The following NEMP2 variants were observed in gnomAD, a reference collection of about 807,000 sequenced individuals.
The protein encoded by NEMP2 is UPF0571 transmembrane protein.
A neutral mutation model predicts 54.2 loss-of-function variants in NEMP2; 53 were observed. The ratio of observed to expected loss-of-function variants is 0.98; its 90% confidence interval spans 0.78 to 1.23. The LOEUF (loss-of-function observed/expected upper bound fraction) is 1.23, where lower values mean the gene tolerates loss of function less well. Ranked by LOEUF, NEMP2 falls within the 50% of genes most tolerant of loss-of-function variation. The pLI is 0.00. For synonymous variants in NEMP2, 197 were observed against 190.3 expected (o/e 1.04, Z -0.29); for missense variants, 455 against 511.3 (o/e 0.89, Z 1.06).
Position 190,530,096 on chromosome 2 carries a change from G to A in NEMP2, c.97+4463C>T, listed in dbSNP as rs1691090910. Among the ~76,000 whole-genome samples the A allele has an allele frequency of 6.6e-6, 1 of 152,186 alleles. No individual in the cohort carries two copies. The stretch of plus-strand genomic sequence containing the variant: ...TATATGATACATCAGTGTATTCTGG[G>A]TAAGGGATCTGCCAGTTAGAGGAAA... On this transcript the variant is annotated intron_variant, in intron 1 of 8. Transcript: ENST00000409150. This position sits in a 1 kb window ranked among gnomAD's most constrained non-coding sequence, Gnocchi z 4.6.
chr2:190,555,482 C>G, the NEMP2 span, among the ~76,000 whole-genome samples: 1 of 151,720 alleles, frequency 6.6e-6, no homozygotes, highest in African/African-American at 2.4e-5. This position sits in a 1 kb window ranked among gnomAD's most constrained non-coding sequence, Gnocchi z 4.8. Flanking sequence ...CACAAATGAC[C>G]TGATGGAGCT....
At chr2:190,624,830 AAGGT>A in the NEMP2 span, 1 of 152,232 alleles carries the variant, frequency 6.6e-6, no homozygotes, top group Non-Finnish European at 1.5e-5. Flanking sequence ...GAGACAAAGA[AAGGT>A]TGGTTAGTAA....
chr2:190,554,368 C>T, the NEMP2 span, among the ~76,000 whole-genome samples: 1 of 152,150 alleles, frequency 6.6e-6, no homozygotes, highest in East Asian at 1.9e-4. This position sits in a 1 kb window ranked among gnomAD's most constrained non-coding sequence, Gnocchi z 5.7. Context: ...CTCTGCAGGT[C>T]CCACCCCCAC....
At chr2:190,566,743 GAAAA>G in the NEMP2 span, among the ~76,000 whole-genome samples, 43 of 147,222 alleles carry the variant, frequency 2.9e-4, no homozygotes, top group Non-Finnish European at 4.6e-4. Context: ...AGAAAGAAAA[GAAAA>G]AAAAAGAAAG....
chr2:190,487,413 A>G, the NEMP2 span, among the ~76,000 whole-genome samples: 1 of 152,220 alleles, frequency 6.6e-6, no homozygotes, highest in Non-Finnish European at 1.5e-5. This position sits in a 1 kb window ranked among gnomAD's most constrained non-coding sequence, Gnocchi z 5.5. Flanking sequence ...ATTATAGCCA[A>G]TGTAAATAAT....
At position 190,527,575 on chromosome 2, in the gene NEMP2, G is replaced by C. The variant is rs1435584330; in HGVS notation, c.98-2197C>G. ...ATATATCAAGAAATTTGCAGAGTTT[G>C]AGAGTCCAAGATGCAAATACAAGAA... On this transcript the variant is annotated intron_variant, in intron 1 of 8. Transcript: ENST00000409150. The surrounding 1 kb of genome is among the most constrained non-coding windows in gnomAD (Gnocchi z 4.0). 2.0e-5 allele frequency among the ~76,000 whole-genome samples: 3 copies of C among 152,168 alleles called. No homozygotes were observed. Among genetic ancestry groups the C allele is most frequent in the Admixed American group, 1.3e-4 (2 of 15,286 alleles).
chr2:190,632,787 T>TA, the NEMP2 span, among the ~76,000 whole-genome samples: 2 of 152,170 alleles, frequency 1.3e-5, no homozygotes, highest in Non-Finnish European at 2.9e-5. This position sits in a 1 kb window ranked among gnomAD's most constrained non-coding sequence, Gnocchi z 4.8. Flanking sequence ...GAAATCCTGT[T>TA]ATGTCAATTA....
At chr2:190,639,295 G>A in the NEMP2 span, among the ~76,000 whole-genome samples, 1 of 152,004 alleles carries the variant, frequency 6.6e-6, no homozygotes, top group Non-Finnish European at 1.5e-5. Context: ...GTGTCAGATG[G>A]TAGACCCTCA....
the NEMP2 span, among the ~76,000 whole-genome samples, chr2:190,621,375 T>C: frequency 1.3e-5 from 2 of 152,146 alleles, no homozygotes; most frequent in South Asian, 4.1e-4. Flanking sequence ...TATTAAAACA[T>C]AGAAAAGGTA....
the NEMP2 span, among the ~76,000 whole-genome samples, chr2:190,433,940 C>G: frequency 6.6e-6 from 1 of 152,002 alleles, no homozygotes; most frequent in Non-Finnish European, 1.5e-5. This position sits in a 1 kb window ranked among gnomAD's most constrained non-coding sequence, Gnocchi z 4.5. Context: ...CCTGTAATCC[C>G]AGCACTTTGG....
the NEMP2 span, among the ~76,000 whole-genome samples, chr2:190,647,873 C>T: frequency 6.6e-6 from 1 of 152,028 alleles, no homozygotes; most frequent in Non-Finnish European, 1.5e-5. Context: ...CGCCACCACG[C>T]CCGGCTAATT....
At chr2:190,480,784 A>G in the NEMP2 span, among the ~76,000 whole-genome samples, 1 of 152,250 alleles carries the variant, frequency 6.6e-6, no homozygotes, top group African/African-American at 2.4e-5. Context: ...AGTATTAAAT[A>G]CACTAATCCA....
At chr2:190,577,863 A>T in the NEMP2 span, among the ~76,000 whole-genome samples, 1 of 152,122 alleles carries the variant, frequency 6.6e-6, no homozygotes, top group African/African-American at 2.4e-5. The surrounding 1 kb of genome is among the most constrained non-coding windows in gnomAD (Gnocchi z 4.8). Context: ...ACAGAGTGAG[A>T]CTCCATCTTA....
chr2:190,544,930 C>CAAA, the NEMP2 span, among the ~76,000 whole-genome samples: 56 of 90,748 alleles, frequency 6.2e-4, no homozygotes, highest in African/African-American at 2.3e-3. Flanking sequence ...TCTACCCCCG[C>CAAA]AAAAAAAAAA....
the NEMP2 span, among the ~76,000 whole-genome samples, chr2:190,613,137 A>T: frequency 6.6e-6 from 1 of 152,170 alleles, no homozygotes; most frequent in African/African-American, 2.4e-5. Flanking sequence ...AACTGACTCC[A>T]TCTTACTTCT....
chr2:190,611,281 A>C, the NEMP2 span, among the ~76,000 whole-genome samples: 4 of 152,232 alleles, frequency 2.6e-5, no homozygotes, highest in Non-Finnish European at 4.4e-5. This position sits in a 1 kb window ranked among gnomAD's most constrained non-coding sequence, Gnocchi z 5.4. Context: ...ATATAGCCCA[A>C]AGAAAGCCAA....
At chr2:190,462,795 C>T in the NEMP2 span, among the ~76,000 whole-genome samples, 1 of 152,146 alleles carries the variant, frequency 6.6e-6, no homozygotes, top group Non-Finnish European at 1.5e-5. The surrounding 1 kb of genome is among the most constrained non-coding windows in gnomAD (Gnocchi z 5.7). Flanking sequence ...TACTGTCAGC[C>T]CTGCTACTTC....
At chr2:190,449,912 C>T in the NEMP2 span, among the ~76,000 whole-genome samples, 19 of 151,878 alleles carry the variant, frequency 1.3e-4, no homozygotes, top group Admixed American at 2.0e-4. Flanking sequence ...ATACCTAATG[C>T]TAAATGACGA....
chr2:190,467,526 T>C, the NEMP2 span, among the ~76,000 whole-genome samples: 3 of 152,180 alleles, frequency 2.0e-5, no homozygotes, highest in African/African-American at 7.2e-5. The surrounding 1 kb of genome is among the most constrained non-coding windows in gnomAD (Gnocchi z 5.5). Flanking sequence ...GGCGGGAGAA[T>C]TGCTTGAACC....
Sources: allele counts gnomAD v4.1 joint callset (sites outside exome capture counted in the v4.1 genomes callset), GRCh38; gene constraint gnomAD v4.1.1; non-coding constraint Gnocchi (gnomAD v3.1); transcripts MANE v1.5; gene names NCBI Gene and HGNC (gene_info 2026-07-23, HGNC 2026-07-21).